The following CLCN3 variants were observed in gnomAD, a reference collection of about 807,000 sequenced individuals.
CLCN3 encodes H(+)/Cl(-) exchange transporter 3.
A neutral mutation model predicts 83.4 loss-of-function variants in CLCN3; 16 were observed. The observed-to-expected ratio is 0.19, with a 90% CI of 0.13 to 0.29. CLCN3 has a LOEUF of 0.29. Ranked by LOEUF, CLCN3 falls within the 10% of genes least tolerant of loss-of-function variation. The pLI is 1.00. For synonymous variants in CLCN3, 322 were observed against 346.2 expected (o/e 0.93, Z 0.78); for missense variants, 544 against 1,006.0 (o/e 0.54, Z 6.21).
intron 3 of CLCN3, among the ~76,000 whole-genome samples, chr4:169,681,436 T>C: frequency 6.6e-6 from 1 of 152,220 alleles, no homozygotes; most frequent in East Asian, 1.9e-4. Flanking sequence ...TATTAATATA[T>C]ATGTGTGTGA....
intron 6 of CLCN3, 25 bp downstream of exon 6, chr4:169,690,677 A>G: frequency 6.3e-7 from 1 of 1,590,476 alleles, no homozygotes. Context: ...ATTTAGTGTC[A>G]TTAAACATTA....
chr4:169,690,787 T>A, intron 6 of CLCN3, 135 bp downstream of exon 6: 1 of 660,584 alleles, frequency 1.5e-6, no homozygotes, highest in Non-Finnish European at 2.4e-6. Flanking sequence ...TTTTTTTAAG[T>A]ATAAGCTGAT....
At chr4:169,709,382 T>TA (rs111680594) in intron 11 of CLCN3, among the ~76,000 whole-genome samples, 15,153 of 145,150 alleles carry the variant, frequency 0.1, 858 homozygotes, top group African/African-American at 0.16. Flanking sequence ...GCTGAGACTT[T>TA]AAAAAAAAAA....
intron 1 of CLCN3, among the ~76,000 whole-genome samples, chr4:169,626,677 A>G (rs1773243774): frequency 6.6e-6 from 1 of 152,216 alleles, no homozygotes; most frequent in Non-Finnish European, 1.5e-5. Context: ...CCCCAACATT[A>G]TACAAAAGAC....
intron 3 of CLCN3, among the ~76,000 whole-genome samples, chr4:169,687,165 A>G (rs1358928985): frequency 6.6e-6 from 1 of 152,252 alleles, no homozygotes; most frequent in Non-Finnish European, 1.5e-5. Context: ...TACAGAAGAC[A>G]TATATAAAAG....
chr4:169,626,612 G>A (rs2150196142), intron 1 of CLCN3, among the ~76,000 whole-genome samples: 1 of 152,332 alleles, frequency 6.6e-6, no homozygotes, highest in African/African-American at 2.4e-5. Context: ...TGGTGGAAAG[G>A]AGGGCAGGAA....
intron 12 of CLCN3, among the ~76,000 whole-genome samples, chr4:169,718,283 T>C (rs1733502695): frequency 2.0e-5 from 3 of 151,494 alleles, no homozygotes; most frequent in South Asian, 4.2e-4. Context: ...TGTTTCCCGA[T>C]CTTGTGGTAG....
chr4:169,705,014 CT>C (rs1289222259), intron 10 of CLCN3, among the ~76,000 whole-genome samples: 4 of 152,144 alleles, frequency 2.6e-5, no homozygotes, highest in African/African-American at 9.7e-5. Context: ...TGGACCCAAT[CT>C]CGACTCTAAT....
Position 169,713,151 on chromosome 4 carries a change from T to C in CLCN3, c.2222T>C (p.Leu741Pro). The C allele has an allele frequency of 6.2e-7, 1 of 1,614,168 alleles. No individual in the cohort carries two copies. The highest frequency in any genetic ancestry group is 8.5e-7 in the Non-Finnish European group (1 of 1,179,994). Residue 741 changes from leucine (L) to proline (P), a missense_variant, in exon 12 of 13, where the codon CTT (leucine) becomes CCT (proline). Transcript: ENST00000513761. ...RVCFAQHTPSLPAESPRPLKL... is the reference protein window; with the variant it reads ...RVCFAQHTPSPPAESPRPLKL... ...TGTTTTGCACAGCACACCCCATCTC[T>C]TCCAGCAGAAAGTCCTCGGCCATTG... is the stretch of plus-strand genomic sequence containing the variant.
At chr4:169,667,030 T>C (rs1731268449) in intron 2 of CLCN3, among the ~76,000 whole-genome samples, 1 of 152,220 alleles carries the variant, frequency 6.6e-6, no homozygotes, top group South Asian at 2.1e-4. Flanking sequence ...GTTCAGTTTA[T>C]CTATTTTTTT....
At chr4:169,700,889 T>C (rs1444612999) in intron 9 of CLCN3, among the ~76,000 whole-genome samples, 1 of 152,234 alleles carries the variant, frequency 6.6e-6, no homozygotes, top group Non-Finnish European at 1.5e-5. Flanking sequence ...AATAGTAATC[T>C]GAGTCTTCAG....
chr4:169,651,199 A>G (rs929091447), intron 2 of CLCN3, among the ~76,000 whole-genome samples: 12 of 152,178 alleles, frequency 7.9e-5, no homozygotes, highest in Admixed American at 3.3e-4. Context: ...AAAAAATTTC[A>G]AAGAAAGTTA....
At chr4:169,646,923 A>G (rs1186454202) in intron 2 of CLCN3, among the ~76,000 whole-genome samples, 2 of 152,234 alleles carry the variant, frequency 1.3e-5, no homozygotes, top group Non-Finnish European at 2.9e-5. Flanking sequence ...ACAAAAGAAT[A>G]CGGTAGAAGA....
chr4:169,700,783 G>A (rs1364122357), intron 9 of CLCN3, among the ~76,000 whole-genome samples: 1 of 152,108 alleles, frequency 6.6e-6, no homozygotes, highest in African/African-American at 2.4e-5. Context: ...TAAAAGTTCT[G>A]TTTACACTAT....
At chr4:169,680,340 G>C (rs1731888464) in intron 3 of CLCN3, 133 bp downstream of exon 3, 2 of 638,612 alleles carry the variant, frequency 3.1e-6, no homozygotes, top group African/African-American at 3.8e-5. Context: ...TTCATATGTG[G>C]TACATGTTTT....
At chr4:169,669,963 G>A (rs747532476) in intron 2 of CLCN3, among the ~76,000 whole-genome samples, 8 of 152,100 alleles carry the variant, frequency 5.3e-5, no homozygotes, top group Non-Finnish European at 1.2e-4. Context: ...ACTTTTTGAT[G>A]GGGTTGTTTG....
intron 3 of CLCN3, among the ~76,000 whole-genome samples, chr4:169,682,135 A>G (rs1415239936): frequency 6.6e-6 from 1 of 152,222 alleles, no homozygotes; most frequent in African/African-American, 2.4e-5. Flanking sequence ...TTTTGAATAT[A>G]TGATTTTGTA....
intron 2 of CLCN3, among the ~76,000 whole-genome samples, chr4:169,653,117 T>G (rs891870383): frequency 3.3e-5 from 5 of 152,196 alleles, no homozygotes; most frequent in Non-Finnish European, 7.3e-5. Flanking sequence ...TGGCCAAGGC[T>G]TTTTGTGTCT....
At chr4:169,704,532 A>G (rs1049434776) in intron 10 of CLCN3, among the ~76,000 whole-genome samples, 9 of 152,186 alleles carry the variant, frequency 5.9e-5, no homozygotes, top group Non-Finnish European at 1.2e-4. Context: ...CTTACCTATA[A>G]CAACTATAGC....
Sources: gnomAD v4.1 joint callset for allele counts (sites outside exome capture counted in the v4.1 genomes callset) on GRCh38, gnomAD v4.1.1 for gene constraint, MANE v1.5 for transcripts, NCBI Gene and HGNC (gene_info 2026-07-23, HGNC 2026-07-21) for gene names.